The following CLASP1 variants were observed in gnomAD, a reference collection of about 807,000 sequenced individuals.
CLASP1 encodes the protein cytoplasmic linker associated protein 1.
A neutral mutation model predicts 192.3 loss-of-function variants in CLASP1; 38 were observed. The ratio of observed to expected loss-of-function variants is 0.20; its 90% CI spans 0.15 to 0.26. The LOEUF (loss-of-function observed/expected upper bound fraction) is 0.26, where lower values mean the gene tolerates loss of function less well. Among genes scored for constraint, CLASP1 ranks in the 10% least tolerant of loss-of-function variants. The pLI is 1.00. For missense variants in CLASP1, 1,433 were observed against 1,932.5 expected, an observed-to-expected ratio of 0.74 and a Z score of 4.85; for synonymous variants, 691 against 712.8, an observed-to-expected ratio of 0.97 and a Z score of 0.49.
rs543271451 is a variant in CLASP1, at chr2:121,492,246, G to A, written c.712+10921C>T. Reference sequence around the variant, plus strand: ...CTACTAAAAATACAAAAAATTAGCCGGGCGTGGTGGCGGGCACCTGTAGTC... The same window carrying A: ...CTACTAAAAATACAAAAAATTAGCCAGGCGTGGTGGCGGGCACCTGTAGTC... On this transcript the variant is annotated intron_variant, in intron 8 of 39. Coordinates refer to ENST00000263710, the Ensembl canonical transcript of CLASP1. 5.3e-5 allele frequency among the ~76,000 whole-genome samples: 8 copies of A among 151,798 alleles called. No individual in the cohort carries two copies. The East Asian group carries it at 7.8e-4, about 15-fold the overall frequency.
intron 14 of CLASP1, among the ~76,000 whole-genome samples, chr2:121,453,131 T>G (rs1390325001): frequency 6.6e-6 from 1 of 151,904 alleles, no homozygotes; most frequent in African/African-American, 2.4e-5. Flanking sequence ...TACAAAAAAT[T>G]TTTTTAAAAA....
At chr2:121,339,832 C>T (rs1041604062) in exon 40 of CLASP1, 1 of 152,214 alleles carries the variant, frequency 6.6e-6, no homozygotes, top group South Asian at 2.1e-4. Flanking sequence ...CTTAATCCCA[C>T]ATTAAACTGA....
At chr2:121,512,635 A>G (rs900563461) in intron 7 of CLASP1, among the ~76,000 whole-genome samples, 6 of 152,220 alleles carry the variant, frequency 3.9e-5, no homozygotes, top group East Asian at 1.9e-4. Flanking sequence ...GAAGACTGAA[A>G]TAACAACAAA....
At position 121,648,567 on chromosome 2, in the gene CLASP1, G is replaced by C. The variant is rs144908474; in HGVS notation, c.-286+805C>G. Among the ~76,000 whole-genome samples the C allele has an allele frequency of 1.8e-3, 275 of 152,178 alleles. 2 individuals are homozygous for C. The highest frequency in any genetic ancestry group is 5.9e-3 in the African/African-American group (243 of 41,508). On this transcript the variant is annotated intron_variant, in intron 1 of 39. Transcript: ENST00000263710. ...AATATTATGTAATAATTTAAACTCT[G>C]GAAAGCCCCATACTCATCCCAGCAG...
chr2:121,617,645 T>A (rs777655643), intron 1 of CLASP1, among the ~76,000 whole-genome samples: 3 of 152,160 alleles, frequency 2.0e-5, no homozygotes, highest in Non-Finnish European at 2.9e-5. Flanking sequence ...GATCGCCCCT[T>A]CCTTCTTCAA....
intron 19 of CLASP1, among the ~76,000 whole-genome samples, chr2:121,437,499 T>G (rs796646552): frequency 1.1e-4 from 17 of 152,358 alleles, no homozygotes; most frequent in African/African-American, 4.1e-4. Flanking sequence ...GTTTGTGTGC[T>G]GTGGACACAA....
At chr2:121,517,679 C>T (rs988054094) in intron 6 of CLASP1, among the ~76,000 whole-genome samples, 16 of 151,446 alleles carry the variant, frequency 1.1e-4, no homozygotes, top group Non-Finnish European at 1.5e-4. Context: ...ACAAAGTGAG[C>T]GCCCATCTCT....
Position 121,387,970 on chromosome 2 carries a change from G to A in CLASP1, c.3124-64C>T, listed in dbSNP as rs2073619930. The stretch of plus-strand genomic sequence containing the variant: ...ATAGGTCATCAAAATGTTGATTAAA[G>A]TTGTTTAAAAAAATATTTTATAAGT... On this transcript the variant is annotated intron_variant, in intron 30 of 39. Coordinates refer to ENST00000263710, the Ensembl canonical transcript of CLASP1. 38 of 1,262,208 alleles carry A rather than the reference G, an allele frequency of 3.0e-5. 1 individual carries two copies. In the South Asian group the frequency reaches 5.9e-4, roughly 20 times the overall value. The allele number at this position is 1,262,208 out of a possible 1,614,324, so 78.2% of individuals were successfully genotyped here. A position where few individuals can be genotyped will look rare whatever the true frequency, so the allele number is the denominator to read the frequency against.
chr2:121,480,509 C>G (rs2092504196), intron 8 of CLASP1, among the ~76,000 whole-genome samples: 1 of 152,238 alleles, frequency 6.6e-6, no homozygotes, highest in Non-Finnish European at 1.5e-5. Context: ...AAGAAATCCA[C>G]AGCTCGCACT....
chr2:121,473,255 A>C (rs2149998393), intron 8 of CLASP1, among the ~76,000 whole-genome samples: 1 of 152,344 alleles, frequency 6.6e-6, no homozygotes, highest in South Asian at 2.1e-4. Context: ...GAAAAAAGAA[A>C]GTTTTTTTAA....
At chr2:121,421,718 T>A (rs892389194) in intron 22 of CLASP1, among the ~76,000 whole-genome samples, 2 of 152,132 alleles carry the variant, frequency 1.3e-5, no homozygotes, top group Non-Finnish European at 2.9e-5. Flanking sequence ...AAGTTTTGTA[T>A]CTTTAATAGA....
At chr2:121,434,297 C>A (rs1407515741) in intron 19 of CLASP1, among the ~76,000 whole-genome samples, 1 of 152,174 alleles carries the variant, frequency 6.6e-6, no homozygotes, top group African/African-American at 2.4e-5. Context: ...AGCTCTGCTG[C>A]CTAGGCTGGA....
At chr2:121,621,789 C>T (rs1027044167) in intron 1 of CLASP1, among the ~76,000 whole-genome samples, 1 of 152,132 alleles carries the variant, frequency 6.6e-6, no homozygotes, top group African/African-American at 2.4e-5. Context: ...TGCATTTCTA[C>T]ATGAGTTTTA....
chr2:121,420,157 A>G (rs2079247068), intron 22 of CLASP1, among the ~76,000 whole-genome samples: 1 of 151,594 alleles, frequency 6.6e-6, no homozygotes, highest in Non-Finnish European at 1.5e-5. Context: ...CAAGCACAGG[A>G]ACGTAATCTC....
At chr2:121,343,073 C>T (rs1452601196) in intron 39 of CLASP1, among the ~76,000 whole-genome samples, 1 of 152,152 alleles carries the variant, frequency 6.6e-6, no homozygotes, top group Non-Finnish European at 1.5e-5. Context: ...TTTCAACAAG[C>T]ATGCCAAGAC....
chr2:121,397,102 A>G (rs1410398548), intron 30 of CLASP1, 38 bp downstream of exon 31: 1 of 1,607,784 alleles, frequency 6.2e-7, no homozygotes, highest in South Asian at 1.1e-5. Context: ...CAAGCCCAGG[A>G]ACAATCTGTA....
At chr2:121,531,098 C>G (rs1011747098) in intron 2 of CLASP1, 13 of 651,922 alleles carry the variant, frequency 2.0e-5, no homozygotes, top group East Asian at 2.7e-5. Flanking sequence ...AGAGGGTGCA[C>G]AAGACGCGTG....
chr2:121,511,996 A>T (rs2094150410), intron 7 of CLASP1, among the ~76,000 whole-genome samples: 1 of 152,258 alleles, frequency 6.6e-6, no homozygotes, highest in Non-Finnish European at 1.5e-5. Context: ...TCATTAAGTA[A>T]TAAAACCTGA....
At chr2:121,394,284 C>T (rs1038644313) in intron 30 of CLASP1, among the ~76,000 whole-genome samples, 1 of 152,224 alleles carries the variant, frequency 6.6e-6, no homozygotes, top group Admixed American at 6.5e-5. Context: ...ATCAGGCAAG[C>T]CCTTAAAAGG....
Sources: allele counts gnomAD v4.1 joint callset (sites outside exome capture counted in the v4.1 genomes callset), GRCh38; gene constraint gnomAD v4.1.1; transcripts MANE v1.5; gene names NCBI Gene and HGNC (gene_info 2026-07-23, HGNC 2026-07-21).